Variants in ABCC5 observed in about 807,000 individuals in gnomAD.
The protein encoded by ABCC5 is ATP binding cassette subfamily C member 5.
Under a neutral mutation model 160.9 loss-of-function variants are expected in ABCC5, and 61 were observed. The observed-to-expected ratio is 0.38, with a 90% CI of 0.31 to 0.47. The LOEUF (loss-of-function observed/expected upper bound fraction) is 0.47, where lower values mean the gene tolerates loss of function less well. Among genes scored for constraint, ABCC5 ranks in the 20% least tolerant of loss-of-function variants. The probability of loss-of-function intolerance (pLI) is 0.99; values close to 1 mark genes in which losing one functional copy is unlikely to be tolerated. For missense variants in ABCC5, 1,308 were observed against 1,813.3 expected, an observed-to-expected ratio of 0.72 and a Z score of 5.06; for synonymous variants, 666 against 700.6, an observed-to-expected ratio of 0.95 and a Z score of 0.78.
chr3:183,972,136 T>C, intron 10 of ABCC5: 1 of 825,424 alleles, frequency 1.2e-6, no homozygotes, highest in Non-Finnish European at 2.0e-6. Context: ...GCCTTATCAA[T>C]GACCCAATAT....
intron 11 of ABCC5, among the ~76,000 whole-genome samples, chr3:183,970,787 G>T (rs1264663302): frequency 6.6e-6 from 1 of 152,112 alleles, no homozygotes; most frequent in Non-Finnish European, 1.5e-5. Flanking sequence ...GCAATATATT[G>T]TATTTGCTCA....
chr3:183,978,832 G>T (rs539871457), intron 8 of ABCC5, among the ~76,000 whole-genome samples, 181 bp from the exon 9 acceptor site: 4 of 152,284 alleles, frequency 2.6e-5, no homozygotes, highest in African/African-American at 4.8e-5. Flanking sequence ...TGACAGGAAT[G>T]AATCTAACAG....
At chr3:183,942,297 G>C (rs1175799661) in intron 25 of ABCC5, 2 of 438,702 alleles carry the variant, frequency 4.6e-6, no homozygotes, top group Non-Finnish European at 9.1e-6. Flanking sequence ...CCCTCCCAAA[G>C]TGCTGGGATT....
At chr3:183,998,599 C>T (rs899115625) in intron 2 of ABCC5, among the ~76,000 whole-genome samples, 1 of 151,880 alleles carries the variant, frequency 6.6e-6, no homozygotes, top group Non-Finnish European at 1.5e-5. Flanking sequence ...TGAGGCACAC[C>T]GATGTTAGGT....
At chr3:184,002,676 C>A (rs1449139589) in intron 2 of ABCC5, among the ~76,000 whole-genome samples, 1 of 152,222 alleles carries the variant, frequency 6.6e-6, no homozygotes, top group African/African-American at 2.4e-5. Flanking sequence ...GCTGCCAGAG[C>A]AAATGCCTGC....
In ABCC5 at chr3:183,988,005, G is replaced by C. The variant is rs1719383281; in HGVS notation, c.444-88C>G. ...GCCTGCCACCACTTTTTGTCTCCAG[G>C]TTTTGCCACCACTCACACAAGTCTC... On this transcript the variant is annotated intron_variant, in intron 4 of 29. Coordinates refer to ENST00000334444, the MANE Select transcript of ABCC5 (RefSeq NM_005688.4). The surrounding 1 kb of genome is among the most constrained non-coding windows in gnomAD (Gnocchi z 4.4). The C allele has an allele frequency of 2.0e-6, 3 of 1,473,290 alleles. No individual in the cohort carries two copies. The highest frequency in any genetic ancestry group is 9.3e-7 in the Non-Finnish European group (1 of 1,078,392). 91.3% of individuals were successfully genotyped at this position (1,473,290 alleles called of 1,614,324 possible).
At position 183,981,788 on chromosome 3, in the gene ABCC5, A is replaced by G. The variant is rs747008243; in HGVS notation, c.1086T>C (p.Leu362=). The change falls in exon 8 of 30, where the codon CTT becomes CTC. Residue 362 remains leucine, a synonymous_variant. Coordinates refer to ENST00000334444, the MANE Select transcript of ABCC5 (RefSeq NM_005688.4). ...ACATTTTGATAAATTTAATGTAAGT[A>G]AGAACTTCATTCATCTTCTGGACAC... The part of the protein sequence containing the change: ...DERVQKMNEV[L]TYIKFIKMYA... The G allele has an allele frequency of 1.2e-6, 2 of 1,611,264 alleles. No homozygotes were observed. Among genetic ancestry groups the G allele is most frequent in the Non-Finnish European group, 1.7e-6 (2 of 1,179,198 alleles).
At chr3:183,957,880 G>C (rs550729524) in intron 17 of ABCC5, among the ~76,000 whole-genome samples, 2 of 118,994 alleles carry the variant, frequency 1.7e-5, no homozygotes, top group African/African-American at 6.3e-5. Flanking sequence ...ATGCGGATCC[G>C]TGTGTATATC....
intron 12 of ABCC5, among the ~76,000 whole-genome samples, chr3:183,965,950 A>G (rs1286531467): frequency 6.6e-6 from 1 of 152,160 alleles, no homozygotes; most frequent in African/African-American, 2.4e-5. Context: ...GGGAAAAAAA[A>G]AGTCCAGGTT....
At position 183,982,754 on chromosome 3, in the gene ABCC5, A is replaced by G. The variant is rs777372277; in HGVS notation, c.825+20T>C. The G allele has an allele frequency of 3.1e-6, 5 of 1,612,948 alleles. No homozygotes were observed. Among genetic ancestry groups the G allele is most frequent in the Admixed American group, 3.3e-5 (2 of 59,992 alleles). On this transcript the variant is annotated intron_variant, in intron 6 of 29. Transcript: ENST00000334444. This position sits in a 1 kb window ranked among gnomAD's most constrained non-coding sequence, Gnocchi z 5.2. ...GCTAGGAAGTTGCTCTCTGCTGTGA[A>G]GCAAACACCCCTCACTCACCTCACC...
At chr3:183,932,685 C>T (rs1205192102) in intron 26 of ABCC5, among the ~76,000 whole-genome samples, 1 of 152,142 alleles carries the variant, frequency 6.6e-6, no homozygotes, top group Admixed American at 6.6e-5. Flanking sequence ...GAATAATGGC[C>T]AAGGGCGGCA....
intron 5 of ABCC5, chr3:183,985,417 G>A: frequency 1.3e-6 from 2 of 1,554,972 alleles, no homozygotes; most frequent in East Asian, 2.2e-5. Context: ...ACTACAGAGA[G>A]ACTCCCCCCA....
chr3:183,955,075 T>C lies in ABCC5; in HGVS notation c.2483-1805A>G, dbSNP rs185343226. Among the ~76,000 whole-genome samples, 278 of 152,234 alleles carry C rather than the reference T, an allele frequency of 1.8e-3. 2 individuals are homozygous for C. Among genetic ancestry groups the C allele is most frequent in the Middle Eastern group, 3.4e-3 (1 of 294 alleles). ...GGTGTGGACGCCAAGGTTCTTGTCATGTAGATGAAGCCTCCCAGTAGCAGA... is the reference window on the plus strand; with the variant it reads ...GGTGTGGACGCCAAGGTTCTTGTCACGTAGATGAAGCCTCCCAGTAGCAGA... On this transcript the variant is annotated intron_variant, in intron 17 of 29. Transcript: ENST00000334444.
At chr3:183,938,111 G>A (rs1270630394) in intron 25 of ABCC5, 51 bp from the exon 26 acceptor site, 1 of 1,583,188 alleles carries the variant, frequency 6.3e-7, no homozygotes, top group South Asian at 1.1e-5. Context: ...AAGTCTGTGA[G>A]GACAATGCTG....
chr3:183,994,923 T>C (rs1431430350), intron 2 of ABCC5, among the ~76,000 whole-genome samples: 3 of 150,872 alleles, frequency 2.0e-5, no homozygotes, highest in Non-Finnish European at 4.4e-5. Context: ...AATGGCATGA[T>C]CACGGCTCAT....
At chr3:183,980,333 G>A (rs537511371) in intron 8 of ABCC5, among the ~76,000 whole-genome samples, 1 of 152,306 alleles carries the variant, frequency 6.6e-6, no homozygotes, top group South Asian at 2.1e-4. Context: ...TCTATAATGA[G>A]TAAGAACACT....
At chr3:183,977,725 T>C in intron 9 of ABCC5, 101 bp from the exon 10 acceptor site, 1 of 755,034 alleles carries the variant, frequency 1.3e-6, no homozygotes, top group Non-Finnish European at 2.2e-6. Context: ...AGGCTGCAAC[T>C]TCACGGTCAG....
intron 16 of ABCC5, 128 bp from the exon 17 acceptor site, chr3:183,959,963 A>G: frequency 1.6e-6 from 1 of 619,312 alleles, no homozygotes; most frequent in Non-Finnish European, 2.7e-6. Context: ...ACTTCTTAAA[A>G]GGGTCACCTA....
chr3:184,005,547 A>C (rs1721111362), intron 2 of ABCC5, among the ~76,000 whole-genome samples: 1 of 150,708 alleles, frequency 6.6e-6, no homozygotes, highest in Admixed American at 6.7e-5. Context: ...ACCATTGCAA[A>C]GCCTTCTGGA....
Sources: allele counts gnomAD v4.1 joint callset (sites outside exome capture counted in the v4.1 genomes callset), GRCh38; gene constraint gnomAD v4.1.1; non-coding constraint Gnocchi (gnomAD v3.1); transcripts MANE v1.5; gene names NCBI Gene and HGNC (gene_info 2026-07-23, HGNC 2026-07-21).